Variants in DOCK10 observed in about 807,000 individuals in gnomAD.
The protein encoded by DOCK10 is dedicator of cytokinesis 10, also known as dedicator of cytokinesis protein 10.
DOCK10 carries 145 observed loss-of-function variants against 280.1 expected under a neutral mutation model. The observed-to-expected ratio is 0.52, with a 90% CI of 0.45 to 0.59. DOCK10 has a LOEUF of 0.59. Ranked by LOEUF, DOCK10 falls within the 20% of genes least tolerant of loss-of-function variation. DOCK10 has a pLI of 0.00. For missense variants in DOCK10, 2,368 were observed against 2,651.7 expected (o/e 0.89, Z 2.35); for synonymous variants, 915 against 942.2 (o/e 0.97, Z 0.53).
At position 225,042,063 on chromosome 2, in the gene DOCK10, C is replaced by T. The variant is rs1428431451; in HGVS notation, c.123+189G>A. Among the ~76,000 whole-genome samples, 2 of 152,222 alleles carry T rather than the reference C, an allele frequency of 1.3e-5. No homozygotes were observed. Among genetic ancestry groups the T allele is most frequent in the African/African-American group, 2.4e-5 (1 of 41,468 alleles). On this transcript the variant is annotated intron_variant, in intron 1 of 55. Coordinates refer to ENST00000258390, the MANE Select transcript of DOCK10 (RefSeq NM_014689.3). This position sits in a 1 kb window ranked among gnomAD's most constrained non-coding sequence, Gnocchi z 5.1. ...TGCACAAACGCGCCCCCGGTCCTTACGCGTCGGTGGCGCTGCCTCGCTGAG... is the reference window on the plus strand; with the variant it reads ...TGCACAAACGCGCCCCCGGTCCTTATGCGTCGGTGGCGCTGCCTCGCTGAG...
rs894672661 is a variant in DOCK10, at chr2:224,840,945, T to C, written c.2661+859A>G. ...ATACAGCCTTAAAAAGGAAGGAAAT[T>C]AGGTCATTTGCAACAACATGGAGGA... On this transcript the variant is annotated intron_variant, in intron 23 of 55. Transcript: ENST00000258390. Among the ~76,000 whole-genome samples the C allele has an allele frequency of 5.9e-5, 9 of 152,180 alleles. No homozygotes were observed. The East Asian group carries it at 1.3e-3, about 23-fold the overall frequency.
In DOCK10 at chr2:224,960,730, C is replaced by CTTTTTTTTTT. The variant is rs71281764; in HGVS notation, c.124-29072_124-29063dup. Among the ~76,000 whole-genome samples the CTTTTTTTTTT allele has an allele frequency of 1.1e-4, 8 of 70,258 alleles. 1 individual carries two copies. Among genetic ancestry groups the CTTTTTTTTTT allele is most frequent in the African/African-American group, 2.2e-4 (4 of 18,488 alleles). 46.1% of individuals were successfully genotyped at this position (70,258 alleles called of 152,430 possible). On this transcript the variant is annotated intron_variant, in intron 1 of 55. Coordinates refer to ENST00000258390, the MANE Select transcript of DOCK10 (RefSeq NM_014689.3). ...TGCACAATGAACGCATCACCAAATTCTTTTTTTTTTTTTTTTTTTTTTTTT... is the reference window on the plus strand; with the variant it reads ...TGCACAATGAACGCATCACCAAATTCTTTTTTTTTTTTTTTTTTTTTTTTTTTTTTTTTTT...
At chr2:225,018,061 G>A (rs543684580) in intron 1 of DOCK10, among the ~76,000 whole-genome samples, 75 of 152,218 alleles carry the variant, frequency 4.9e-4, no homozygotes, top group African/African-American at 1.7e-3. Flanking sequence ...CTGCTTGACT[G>A]AATTTTCAAT....
At chr2:224,948,339 A>C (rs1421789614) in intron 1 of DOCK10, among the ~76,000 whole-genome samples, 1 of 152,242 alleles carries the variant, frequency 6.6e-6, no homozygotes, top group Non-Finnish European at 1.5e-5. Context: ...GAGATAAATT[A>C]TATCATTACT....
At chr2:224,852,261 T>C in intron 18 of DOCK10, 116 bp downstream of exon 18, 2 of 730,264 alleles carry the variant, frequency 2.7e-6, no homozygotes, top group East Asian at 2.7e-5. Flanking sequence ...CTAAAACAAA[T>C]GTATTAAATT....
chr2:224,900,730 G>A (rs1700250897), intron 3 of DOCK10, among the ~76,000 whole-genome samples: 1 of 152,190 alleles, frequency 6.6e-6, no homozygotes, highest in Admixed American at 6.5e-5. Context: ...CAAATAATTT[G>A]TGTGAAGCGC....
At chr2:224,814,994 G>A (rs578134924) in intron 30 of DOCK10, among the ~76,000 whole-genome samples, 3 of 152,270 alleles carry the variant, frequency 2.0e-5, no homozygotes, top group Admixed American at 2.0e-4. Context: ...CTGAGCTACT[G>A]ACTAATAGTA....
At chr2:225,014,238 A>G (rs946130959) in intron 1 of DOCK10, among the ~76,000 whole-genome samples, 1 of 151,918 alleles carries the variant, frequency 6.6e-6, no homozygotes, top group African/African-American at 2.4e-5. Context: ...TCTGTTTTCT[A>G]GAGTTACTGG....
intron 28 of DOCK10, among the ~76,000 whole-genome samples, chr2:224,821,307 C>T (rs1220976993): frequency 6.6e-6 from 1 of 152,144 alleles, no homozygotes; most frequent in Non-Finnish European, 1.5e-5. Flanking sequence ...GACTAATTCA[C>T]AGTATTTGCT....
At chr2:224,855,616 C>T (rs953809053) in intron 15 of DOCK10, among the ~76,000 whole-genome samples, 7 of 152,154 alleles carry the variant, frequency 4.6e-5, no homozygotes, top group South Asian at 2.1e-4. Context: ...ATGCACTCCC[C>T]GGCTCAAGTC....
At chr2:224,817,068 C>T (rs1339222377) in intron 29 of DOCK10, among the ~76,000 whole-genome samples, 1 of 152,176 alleles carries the variant, frequency 6.6e-6, no homozygotes, top group Non-Finnish European at 1.5e-5. Flanking sequence ...ACAGAATTCT[C>T]TCAAAAACTA....
intron 43 of DOCK10, 101 bp from the exon 44 acceptor site, chr2:224,796,527 A>C: frequency 1.4e-6 from 1 of 697,094 alleles, no homozygotes; most frequent in Non-Finnish European, 2.4e-6. Flanking sequence ...TTCTCCCTGT[A>C]GGTCCAATAA....
intron 2 of DOCK10, among the ~76,000 whole-genome samples, chr2:224,927,747 G>A (rs1702115591): frequency 6.6e-6 from 1 of 152,178 alleles, no homozygotes; most frequent in Non-Finnish European, 1.5e-5. Context: ...AGTCTAGGAA[G>A]TGCTGTTCTA....
At chr2:224,920,915 T>C (rs1375639261) in intron 2 of DOCK10, among the ~76,000 whole-genome samples, 1 of 150,586 alleles carries the variant, frequency 6.6e-6, no homozygotes, top group African/African-American at 2.5e-5. Context: ...GTTCCATCTA[T>C]GTAGTAAACT....
chr2:224,891,124 G>A (rs1010229307), intron 4 of DOCK10, among the ~76,000 whole-genome samples: 1 of 152,140 alleles, frequency 6.6e-6, no homozygotes, highest in Non-Finnish European at 1.5e-5. Flanking sequence ...GACAGGTTGT[G>A]TAATAAAACA....
intron 1 of DOCK10, among the ~76,000 whole-genome samples, chr2:224,974,876 G>A (rs1705339087): frequency 2.0e-5 from 2 of 99,424 alleles, no homozygotes; most frequent in Admixed American, 2.2e-4. Flanking sequence ...ATATATACGT[G>A]TGTGTGTGAT....
intron 3 of DOCK10, among the ~76,000 whole-genome samples, chr2:224,900,869 A>T (rs1378141569): frequency 1.3e-5 from 2 of 152,252 alleles, no homozygotes; most frequent in African/African-American, 4.8e-5. Flanking sequence ...ATTATTAAAA[A>T]TGAAGTATTT....
At position 224,802,144 on chromosome 2, in the gene DOCK10, C is replaced by A. The variant is rs964975447; in HGVS notation, c.4269-104G>T. The A allele has an allele frequency of 4.8e-6, 6 of 1,262,228 alleles. No homozygotes were observed. In the African/African-American group the frequency reaches 7.6e-5, roughly 16 times the overall value. 78.2% of individuals were successfully genotyped at this position (1,262,228 alleles called of 1,614,324 possible). ...TCTAGATTGAGTCAAATATTAAAAA[C>A]TAGTTTGGAAAGCAACTTTTTATTA... is the stretch of plus-strand genomic sequence containing the variant. On this transcript the variant is annotated intron_variant, in intron 39 of 55. Coordinates refer to ENST00000258390, the MANE Select transcript of DOCK10 (RefSeq NM_014689.3).
At chr2:224,955,881 T>C (rs1188599843) in intron 1 of DOCK10, among the ~76,000 whole-genome samples, 2 of 152,204 alleles carry the variant, frequency 1.3e-5, no homozygotes, top group Non-Finnish European at 2.9e-5. Flanking sequence ...ATTGGATACC[T>C]CTCATAAGGG....
Sources: allele counts gnomAD v4.1 joint callset (sites outside exome capture counted in the v4.1 genomes callset), GRCh38; gene constraint gnomAD v4.1.1; non-coding constraint Gnocchi (gnomAD v3.1); transcripts MANE v1.5; gene names NCBI Gene and HGNC (gene_info 2026-07-23, HGNC 2026-07-21).